The following PIP4K2A variants were observed in gnomAD, a reference collection of about 807,000 sequenced individuals.
PIP4K2A encodes the protein phosphatidylinositol 5-phosphate 4-kinase type-2 alpha.
A neutral mutation model predicts 42.9 loss-of-function variants in PIP4K2A; 14 were observed. The ratio of observed to expected loss-of-function variants is 0.33; its 90% CI spans 0.22 to 0.51. The LOEUF (loss-of-function observed/expected upper bound fraction) is 0.51, where lower values mean the gene tolerates loss of function less well. PIP4K2A is among the 20% of genes least tolerant of loss of function. The pLI, the probability that PIP4K2A is intolerant of heterozygous loss-of-function variation, is 0.97. For missense variants in PIP4K2A, 434 were observed against 519.8 expected, an observed-to-expected ratio of 0.83 and a Z score of 1.61; for synonymous variants, 192 against 192.2, an observed-to-expected ratio of 1.00 and a Z score of 0.01.
In PIP4K2A at chr10:22,682,202, C is replaced by A. The variant is rs563846984; in HGVS notation, c.144+31981G>T. Among the ~76,000 whole-genome samples, 7 of 152,312 alleles carry A rather than the reference C, an allele frequency of 4.6e-5. No individual in the cohort carries two copies. The East Asian group carries it at 7.7e-4, about 17-fold the overall frequency. The stretch of plus-strand genomic sequence containing the variant: ...CCATCCCTGTGTAGAGAGCACACAA[C>A]CCTTAGCTACTGAATTTTTCACTGT... On this transcript the variant is annotated intron_variant, in intron 1 of 9. Transcript: ENST00000376573.
intron 1 of PIP4K2A, among the ~76,000 whole-genome samples, chr10:22,704,197 C>A (rs1222420044): frequency 6.6e-6 from 1 of 152,050 alleles, no homozygotes; most frequent in East Asian, 1.9e-4. Context: ...GAAGATGATC[C>A]TGGACACAGG....
chr10:22,659,283 A>G (rs1171497), intron 1 of PIP4K2A, among the ~76,000 whole-genome samples: 37,744 of 152,220 alleles, frequency 0.25, 5,104 homozygotes, highest in Non-Finnish European at 0.31. Flanking sequence ...TTCAAGCACC[A>G]TAAGGACTAC....
intron 9 of PIP4K2A, among the ~76,000 whole-genome samples, 186 bp from the exon 10 acceptor site, chr10:22,537,467 T>A (rs1348294579): frequency 6.6e-6 from 1 of 151,946 alleles, no homozygotes. Context: ...ATAAGCAAGG[T>A]TCTTACAAAT....
intron 1 of PIP4K2A, among the ~76,000 whole-genome samples, chr10:22,667,360 A>T (rs528973637): frequency 7.0e-6 from 1 of 143,562 alleles, no homozygotes; most frequent in African/African-American, 2.6e-5. Context: ...TAAGTCTTGA[A>T]ATATTACATA....
At chr10:22,541,456 CAT>C (rs1836110337) in intron 8 of PIP4K2A, among the ~76,000 whole-genome samples, 1 of 152,196 alleles carries the variant, frequency 6.6e-6, no homozygotes, top group Non-Finnish European at 1.5e-5. Flanking sequence ...TATTTGTGAA[CAT>C]GTATGTGTGC....
intron 6 of PIP4K2A, among the ~76,000 whole-genome samples, chr10:22,565,845 C>CCA (rs1554795532): frequency 2.0e-5 from 3 of 151,842 alleles, no homozygotes; most frequent in African/African-American, 7.3e-5. Flanking sequence ...ACAGCCCCCC[C>CCA]AGGTGTGCCT....
At chr10:22,672,525 A>C (rs1839475893) in intron 1 of PIP4K2A, among the ~76,000 whole-genome samples, 1 of 152,230 alleles carries the variant, frequency 6.6e-6, no homozygotes, top group South Asian at 2.1e-4. Flanking sequence ...TGTACTTGTG[A>C]ATATATACAG....
At chr10:22,693,374 G>A (rs912639423) in intron 1 of PIP4K2A, among the ~76,000 whole-genome samples, 2 of 151,876 alleles carry the variant, frequency 1.3e-5, no homozygotes, top group Non-Finnish European at 1.5e-5. Flanking sequence ...TACATACAAG[G>A]ATTTCACCAT....
intron 9 of PIP4K2A, among the ~76,000 whole-genome samples, chr10:22,537,771 T>C (rs1055541374): frequency 5.9e-5 from 9 of 152,114 alleles, no homozygotes; most frequent in Non-Finnish European, 1.2e-4. Context: ...GGCCCCCAGC[T>C]CAGTGCTCAA....
At chr10:22,564,065 A>G (rs1297175499) in intron 6 of PIP4K2A, among the ~76,000 whole-genome samples, 1 of 152,242 alleles carries the variant, frequency 6.6e-6, no homozygotes. Flanking sequence ...ATACCAATAA[A>G]GGGACTAAAC....
intron 1 of PIP4K2A, among the ~76,000 whole-genome samples, chr10:22,647,783 C>T (rs1158884531): frequency 6.6e-6 from 1 of 152,114 alleles, no homozygotes; most frequent in Non-Finnish European, 1.5e-5. Context: ...GTAAATGACC[C>T]AATGAAAACA....
At chr10:22,674,063 T>C (rs1285820591) in intron 1 of PIP4K2A, among the ~76,000 whole-genome samples, 1 of 152,198 alleles carries the variant, frequency 6.6e-6, no homozygotes, top group East Asian at 1.9e-4. Context: ...GTCTTGGTTA[T>C]ACACAGAACC....
chr10:22,625,373 C>A (rs1838416888), intron 1 of PIP4K2A, among the ~76,000 whole-genome samples: 1 of 152,094 alleles, frequency 6.6e-6, no homozygotes, highest in South Asian at 2.1e-4. Context: ...TTAATCTTAC[C>A]TTTTTCAGTC....
intron 7 of PIP4K2A, among the ~76,000 whole-genome samples, chr10:22,543,338 A>G: frequency 6.6e-6 from 1 of 152,164 alleles, no homozygotes; most frequent in East Asian, 1.9e-4. Context: ...TGCCTTCCCA[A>G]CAGGAATCCC....
At chr10:22,691,904 A>G (rs1407617787) in intron 1 of PIP4K2A, 1 of 152,278 alleles carries the variant, frequency 6.6e-6, no homozygotes, top group Non-Finnish European at 1.5e-5. Context: ...GGACTGTGCA[A>G]TAGAAAACCA....
chr10:22,630,940 A>C (rs1217629873), intron 1 of PIP4K2A, among the ~76,000 whole-genome samples: 1 of 152,156 alleles, frequency 6.6e-6, no homozygotes, highest in Non-Finnish European at 1.5e-5. Context: ...TTCTTACAAG[A>C]CTAAATACTA....
intron 1 of PIP4K2A, among the ~76,000 whole-genome samples, chr10:22,666,550 C>T (rs1377881873): frequency 6.6e-6 from 1 of 152,188 alleles, no homozygotes; most frequent in Non-Finnish European, 1.5e-5. Context: ...CTCTAAAATT[C>T]TACTCAGAAG....
intron 4 of PIP4K2A, among the ~76,000 whole-genome samples, chr10:22,582,383 G>A (rs1469418945): frequency 1.3e-5 from 2 of 151,834 alleles, no homozygotes; most frequent in Non-Finnish European, 2.9e-5. Flanking sequence ...ATGCCATTAA[G>A]AGATTCACAG....
intron 1 of PIP4K2A, among the ~76,000 whole-genome samples, chr10:22,686,360 G>C (rs1217843994): frequency 6.6e-6 from 1 of 152,162 alleles, no homozygotes; most frequent in Admixed American, 6.6e-5. Flanking sequence ...ATTCCTTTCA[G>C]GGTTCTGAAA....
Sources: allele counts gnomAD v4.1 joint callset (sites outside exome capture counted in the v4.1 genomes callset), GRCh38; gene constraint gnomAD v4.1.1; transcripts MANE v1.5; gene names NCBI Gene and HGNC (gene_info 2026-07-23, HGNC 2026-07-21).